SLC47A2: variants seen among roughly 807,000 people sequenced by gnomAD.
SLC47A2 encodes multidrug and toxin extrusion protein 2.
In SLC47A2, 52 loss-of-function variants were observed where a neutral mutation model predicts 67.7. That is an observed-to-expected ratio of 0.77 (90% confidence interval 0.61 to 0.97). SLC47A2 has a LOEUF of 0.97. SLC47A2 is among the 50% of genes least tolerant of loss of function. The pLI is 0.00. For missense variants in SLC47A2, 676 were observed against 712.3 expected, an observed-to-expected ratio of 0.95 and a Z score of 0.58; for synonymous variants, 278 against 292.9, an observed-to-expected ratio of 0.95 and a Z score of 0.52.
intron 3 of SLC47A2, 76 bp downstream of exon 3, chr17:19,714,645 C>T: frequency 6.5e-7 from 1 of 1,544,388 alleles, no homozygotes; most frequent in African/African-American, 1.4e-5. Flanking sequence ...CCCCTCCCAC[C>T]TGCCATCTCC....
intron 9 of SLC47A2, among the ~76,000 whole-genome samples, chr17:19,706,029 A>G (rs552624262): frequency 6.1e-4 from 93 of 152,260 alleles, no homozygotes; most frequent in African/African-American, 2.2e-3. Context: ...GTCTTTCCAG[A>G]TGAACTCAGG....
intron 7 of SLC47A2, 72 bp downstream of exon 7, chr17:19,708,230 C>G: frequency 3.9e-6 from 6 of 1,549,640 alleles, no homozygotes; most frequent in Non-Finnish European, 5.3e-6. Flanking sequence ...GGTGACTGAT[C>G]TGTCTCCACC....
At chr17:19,712,567 A>G in intron 5 of SLC47A2, 136 bp downstream of exon 5, 1 of 816,342 alleles carries the variant, frequency 1.2e-6, no homozygotes, top group East Asian at 2.6e-5. Flanking sequence ...TGCAACGGGA[A>G]CTTTTGTCAG....
intron 4 of SLC47A2, among the ~76,000 whole-genome samples, 176 bp from the exon 5 acceptor site, chr17:19,712,921 G>A (rs2086141327): frequency 6.6e-6 from 1 of 152,086 alleles, no homozygotes; most frequent in African/African-American, 2.4e-5. Context: ...GTGCCAGGAG[G>A]GGCAGCCGAA....
chr17:19,713,404 AATAATAATAATC>A (rs1334285413), intron 4 of SLC47A2, among the ~76,000 whole-genome samples: 83 of 144,954 alleles, frequency 5.7e-4, no homozygotes, highest in African/African-American at 2.3e-3. Flanking sequence ...TAATAATAAT[AATAATAATAATC>A]ATCATCATCA....
In SLC47A2 at chr17:19,683,535, G is replaced by A. The variant is rs762393673; in HGVS notation, c.1165-1865C>T. 2.0e-5 allele frequency among the ~76,000 whole-genome samples: 3 copies of A among 152,194 alleles called. No individual in the cohort carries two copies. In the East Asian group the frequency reaches 5.8e-4, roughly 29 times the overall value. On this transcript the variant is annotated intron_variant, in intron 13 of 16. Transcript: ENST00000433844. ...AGTTTGATGAGGTAAAACAGCCAAG[G>A]GAATGGGGAGGTACTGGTAAGTTCT...
rs531985501 is a variant in SLC47A2, at chr17:19,701,917, A to T, written c.1164+688T>A. Among the ~76,000 whole-genome samples the T allele has an allele frequency of 2.6e-5, 4 of 152,268 alleles. No individual in the cohort carries two copies. In the South Asian group the frequency reaches 8.3e-4, roughly 32 times the overall value. ...CCACCAGGAGAGGATTCCACCTATC[A>T]TAGTGTGACCCTGTCTCTACAAAAA... On this transcript the variant is annotated intron_variant, in intron 13 of 16. Coordinates refer to ENST00000433844, the MANE Select transcript of SLC47A2 (RefSeq NM_001099646.3).
At position 19,704,119 on chromosome 17, in the gene SLC47A2, C is replaced by A. The variant is rs34169093; in HGVS notation, c.969G>T (p.Ala323=). 1.2e-6 allele frequency: 2 copies of A among 1,612,184 alleles called. No homozygotes were observed. The highest frequency in any genetic ancestry group is 1.7e-6 in the Non-Finnish European group (2 of 1,179,810). ...CVRVGMALGA[A]DTVQAKRSAV... Reference sequence around the variant, plus strand: ...CCGAGCGCTTGGCCTGCACAGTATCCGCAGCCCCCAGAGCCATCCCCACTC... The same window carrying A: ...CCGAGCGCTTGGCCTGCACAGTATCAGCAGCCCCCAGAGCCATCCCCACTC... Residue 323 remains alanine (A), a synonymous_variant, in exon 11 of 17, where the codon GCG becomes GCT. Coordinates refer to ENST00000433844, the MANE Select transcript of SLC47A2 (RefSeq NM_001099646.3).
chr17:19,681,010 G>A (rs1157895604), intron 15 of SLC47A2, among the ~76,000 whole-genome samples: 2 of 151,992 alleles, frequency 1.3e-5, no homozygotes, highest in African/African-American at 2.4e-5. Flanking sequence ...TCAGGAGATC[G>A]AGACCATCCT....
chr17:19,700,763 CAAAAA>C (rs67005913), intron 13 of SLC47A2, among the ~76,000 whole-genome samples: 5 of 86,458 alleles, frequency 5.8e-5, no homozygotes, highest in African/African-American at 5.1e-5. Flanking sequence ...AGACCTGTCT[CAAAAA>C]AAAAAAAAAA....
chr17:19,698,445 C>T (rs376541261), intron 13 of SLC47A2, among the ~76,000 whole-genome samples: 20 of 152,278 alleles, frequency 1.3e-4, no homozygotes, highest in East Asian at 1.2e-3. Context: ...CTCCACCTCC[C>T]GGCTTCAAGC....
Position 19,685,417 on chromosome 17 carries a change from G to A in SLC47A2, c.1165-3747C>T, listed in dbSNP as rs1401342611. 1.3e-5 allele frequency among the ~76,000 whole-genome samples: 2 copies of A among 151,932 alleles called. No homozygotes were observed. Among genetic ancestry groups the A allele is most frequent in the South Asian group, 2.1e-4 (1 of 4,810 alleles). On this transcript the variant is annotated intron_variant, in intron 13 of 16. Coordinates refer to ENST00000433844, the MANE Select transcript of SLC47A2 (RefSeq NM_001099646.3). This position sits in a 1 kb window ranked among gnomAD's most constrained non-coding sequence, Gnocchi z 4.5. ...AAGTGAGGAGCGTCTCTGCCTGGCC[G>A]CCCATCATCTGGGATGTGAGGAGCC...
chr17:19,713,410 A>ATCATCATCATC (rs1567637550), intron 4 of SLC47A2, among the ~76,000 whole-genome samples: 1 of 147,590 alleles, frequency 6.8e-6, no homozygotes, highest in African/African-American at 2.6e-5. Context: ...TAATAATAAT[A>ATCATCATCATC]ATAATCATCA....
At chr17:19,702,114 A>T in intron 13 of SLC47A2, 2 of 985,070 alleles carry the variant, frequency 2.0e-6, no homozygotes, top group Non-Finnish European at 2.4e-6. Context: ...GTCTCAAAAA[A>T]AAAAAAAAAT....
At chr17:19,689,267 C>T (rs2085489853) in intron 13 of SLC47A2, among the ~76,000 whole-genome samples, 1 of 152,172 alleles carries the variant, frequency 6.6e-6, no homozygotes, top group Non-Finnish European at 1.5e-5. Flanking sequence ...ACTATTTGAA[C>T]TGATAAATCC....
At chr17:19,693,954 A>G (rs1379345543) in intron 13 of SLC47A2, among the ~76,000 whole-genome samples, 1 of 152,254 alleles carries the variant, frequency 6.6e-6, no homozygotes, top group Non-Finnish European at 1.5e-5. Context: ...TAAAGGATCA[A>G]TAATCAAAAA....
At chr17:19,711,466 C>G (rs1266414063) in intron 5 of SLC47A2, among the ~76,000 whole-genome samples, 1 of 151,202 alleles carries the variant, frequency 6.6e-6, no homozygotes, top group Non-Finnish European at 1.5e-5. Context: ...ATGGTGGGTG[C>G]CTGTAATCCC....
At chr17:19,706,037 A>G (rs977934086) in intron 9 of SLC47A2, among the ~76,000 whole-genome samples, 3 of 152,146 alleles carry the variant, frequency 2.0e-5, no homozygotes, top group Non-Finnish European at 4.4e-5. Flanking sequence ...AGATGAACTC[A>G]GGGTGGCAGT....
chr17:19,693,420 C>T (rs560940577), intron 13 of SLC47A2, among the ~76,000 whole-genome samples: 8 of 152,132 alleles, frequency 5.3e-5, no homozygotes, highest in African/African-American at 1.9e-4. Flanking sequence ...ACTTCGAATA[C>T]TTTCCCCTTA....
Sources: allele counts gnomAD v4.1 joint callset (sites outside exome capture counted in the v4.1 genomes callset), GRCh38; gene constraint gnomAD v4.1.1; non-coding constraint Gnocchi (gnomAD v3.1); transcripts MANE v1.5; gene names NCBI Gene and HGNC (gene_info 2026-07-23, HGNC 2026-07-21).